Variants in MYOM1 observed in about 807,000 individuals in gnomAD.
The protein encoded by MYOM1 is myomesin-1.
MYOM1 carries 164 observed loss-of-function variants against 205.3 expected under a neutral mutation model. That is an observed-to-expected ratio of 0.80 (90% CI 0.70 to 0.91). The LOEUF (loss-of-function observed/expected upper bound fraction) is 0.91. Ranked by LOEUF, MYOM1 falls within the 40% of genes least tolerant of loss-of-function variation. MYOM1 has a pLI of 0.00. For synonymous variants in MYOM1, 772 were observed against 789.4 expected, an observed-to-expected ratio of 0.98 and a Z score of 0.37; for missense variants, 2,011 against 2,127.3, an observed-to-expected ratio of 0.95 and a Z score of 1.08.
intron 5 of MYOM1, among the ~76,000 whole-genome samples, chr18:3,177,445 C>CTATTATTATT (rs2080659748): frequency 7.2e-6 from 1 of 139,262 alleles, no homozygotes; most frequent in South Asian, 2.3e-4. Flanking sequence ...GAAGCAATAT[C>CTATTATTATT]ATTATTATTA....
chr18:3,158,185 C>A (rs1567940657), intron 10 of MYOM1, among the ~76,000 whole-genome samples: 1 of 152,102 alleles, frequency 6.6e-6, no homozygotes, highest in Non-Finnish European at 1.5e-5. Context: ...TTTATAAACT[C>A]AGAAATGATT....
the MYOM1 span, among the ~76,000 whole-genome samples, chr18:3,227,770 C>A: frequency 1.3e-5 from 2 of 151,934 alleles, no homozygotes; most frequent in South Asian, 4.2e-4. Flanking sequence ...AGTGAGCCAT[C>A]GAGCCACTGC....
At chr18:3,218,977 T>A (rs2081301168) in intron 1 of MYOM1, among the ~76,000 whole-genome samples, 1 of 152,210 alleles carries the variant, frequency 6.6e-6, no homozygotes, top group South Asian at 2.1e-4. Flanking sequence ...GTCACAGCCC[T>A]GACCTCTGGA....
intron 2 of MYOM1, among the ~76,000 whole-genome samples, chr18:3,212,572 T>C (rs187976834): frequency 3.3e-4 from 50 of 152,228 alleles, no homozygotes; most frequent in Middle Eastern, 6.8e-3. Context: ...AAAATACAAA[T>C]TCATAAAACT....
At chr18:3,185,518 T>C (rs1281257413) in intron 5 of MYOM1, among the ~76,000 whole-genome samples, 2 of 152,208 alleles carry the variant, frequency 1.3e-5, no homozygotes, top group Non-Finnish European at 2.9e-5. Flanking sequence ...TGTGCATTTC[T>C]ATAGGAAAGT....
chr18:3,187,432 C>A (rs2080832798), intron 5 of MYOM1, 48 bp downstream of exon 5: 1 of 1,590,850 alleles, frequency 6.3e-7, no homozygotes, highest in Non-Finnish European at 8.6e-7. Context: ...TAGAGGCGAA[C>A]TTAACTTGGT....
At chr18:3,221,361 C>T (rs1598784465), upstream of MYOM1, among the ~76,000 whole-genome samples, 1 of 152,192 alleles carries the variant, frequency 6.6e-6, no homozygotes, top group East Asian at 1.9e-4. Context: ...TAGTATACTT[C>T]ATCATGACTT....
intron 19 of MYOM1, among the ~76,000 whole-genome samples, chr18:3,124,172 A>T (rs2079740524): frequency 6.6e-6 from 1 of 151,274 alleles, no homozygotes; most frequent in Admixed American, 6.6e-5. Context: ...TGTGGTAGTC[A>T]CCCACTGTTA....
At chr18:3,141,556 T>C (rs1159017492) in intron 14 of MYOM1, among the ~76,000 whole-genome samples, 1 of 152,180 alleles carries the variant, frequency 6.6e-6, no homozygotes, top group Non-Finnish European at 1.5e-5. Flanking sequence ...GTTCATGTCC[T>C]ACTACAGAAG....
chr18:3,067,530 C>G lies in MYOM1; in HGVS notation c.4790G>C (p.Trp1597Ser). Residue 1597 changes from tryptophan to serine, a missense_variant, in exon 38 of 38, where the codon TGG (tryptophan) becomes TCG (serine). Trp to Ser is a radical substitution (Grantham distance 177, BLOSUM62 -3). Transcript: ENST00000356443. ...GKALNLTCNV[W>S]GDPPPEVSWL... ...CGACACCTCCGGAGGCGGGTCTCCC[C>G]ACACGTTGCAAGTGAGATTAAGGGC... The G allele has an allele frequency of 6.2e-7, 1 of 1,613,788 alleles. No homozygotes were observed. Among genetic ancestry groups the G allele is most frequent in the Non-Finnish European group, 8.5e-7 (1 of 1,179,828 alleles).
At chr18:3,086,001 A>G (rs2079148387) in intron 30 of MYOM1, 37 bp downstream of exon 30, 1 of 1,307,670 alleles carries the variant, frequency 7.6e-7, no homozygotes, top group Admixed American at 1.7e-5. Context: ...GAGGGTAGAG[A>G]GCTAATATAT....
chr18:3,244,867 C>A, the MYOM1 span, among the ~76,000 whole-genome samples: 456 of 151,530 alleles, frequency 3.0e-3, 3 homozygotes, highest in African/African-American at 0.01. Context: ...CCACTGCACT[C>A]CAGCCTGGGC....
intron 19 of MYOM1, among the ~76,000 whole-genome samples, chr18:3,120,216 G>T (rs572036972): frequency 1.4e-4 from 21 of 152,132 alleles, no homozygotes; most frequent in Admixed American, 7.2e-4. Context: ...CAAGTCCTGT[G>T]ATTGTGTCAC....
chr18:3,116,415 G>A lies in MYOM1; in HGVS notation c.3219C>T (p.Tyr1073=). The A allele has an allele frequency of 1.2e-6, 2 of 1,613,816 alleles. No homozygotes were observed. Among genetic ancestry groups the A allele is most frequent in the Non-Finnish European group, 1.7e-6 (2 of 1,179,812 alleles). Residue 1073 remains tyrosine (Y), a synonymous_variant, in exon 21 of 38, where the codon TAC becomes TAT. Transcript: ENST00000356443. ...VHSGRTPVTG[Y]FVDLKEAKAK... is the part of the protein sequence containing the mutation. ...CCTTGGCCTCCTTCAAGTCCACGAA[G>A]TAACCAGTGACCGGAGTCCGCCCGG... is the stretch of plus-strand genomic sequence containing the variant.
chr18:3,087,485 GTTC>G (rs1247175913), intron 29 of MYOM1, among the ~76,000 whole-genome samples: 6 of 141,418 alleles, frequency 4.2e-5, no homozygotes, highest in African/African-American at 1.6e-4. Flanking sequence ...TTCCTCCTAC[GTTC>G]TTTTTTTTTT....
At chr18:3,080,005 A>G (rs6506055) in intron 33 of MYOM1, among the ~76,000 whole-genome samples, 132,692 of 152,138 alleles carry the variant, frequency 0.87, 58,384 homozygotes, top group Admixed American at 0.93. Context: ...AGGAAATACA[A>G]CCCTTTTTTG....
chr18:3,241,753 C>T, the MYOM1 span, among the ~76,000 whole-genome samples: 1 of 152,278 alleles, frequency 6.6e-6, no homozygotes, highest in East Asian at 1.9e-4. Context: ...AGACACTCAG[C>T]GTCAGCCTGG....
rs545794814 is a variant in MYOM1, at chr18:3,068,503, G to A, written c.4765-948C>T. On this transcript the variant is annotated intron_variant, in intron 37 of 37. Coordinates refer to ENST00000356443, the MANE Select transcript of MYOM1 (RefSeq NM_003803.4). ...TTTCATCACCACAAGAACCCCTTGC[G>A]TTGTCCTTTTATACCCACACCCACC... 2.6e-5 allele frequency among the ~76,000 whole-genome samples: 4 copies of A among 152,028 alleles called. No individual in the cohort carries two copies. In the South Asian group the frequency reaches 8.3e-4, roughly 32 times the overall value.
intron 16 of MYOM1, among the ~76,000 whole-genome samples, chr18:3,133,284 G>A (rs1185562335): frequency 6.6e-6 from 1 of 152,000 alleles, no homozygotes; most frequent in Non-Finnish European, 1.5e-5. Flanking sequence ...ATTCTGTTGG[G>A]GTCCTCGGAC....
Sources: allele counts gnomAD v4.1 joint callset (sites outside exome capture counted in the v4.1 genomes callset), GRCh38; gene constraint gnomAD v4.1.1; transcripts MANE v1.5; gene names NCBI Gene and HGNC (gene_info 2026-07-23, HGNC 2026-07-21).